Variants in COL19A1 observed in about 807,000 individuals in gnomAD.
COL19A1 encodes collagen alpha-1(XIX) chain.
In COL19A1, 159 loss-of-function variants were observed where a neutral mutation model predicts 190.2. The observed-to-expected ratio is 0.84, with a 90% CI of 0.73 to 0.95. The LOEUF (loss-of-function observed/expected upper bound fraction) is 0.95, where lower values mean the gene tolerates loss of function less well. Among genes scored for constraint, COL19A1 ranks in the 40% least tolerant of loss-of-function variants. The pLI is 0.00. For synonymous variants in COL19A1, 509 were observed against 458.9 expected, an observed-to-expected ratio of 1.11 and a Z score of -1.39; for missense variants, 1,418 against 1,431.9, an observed-to-expected ratio of 0.99 and a Z score of 0.16.
intron 15 of COL19A1, among the ~76,000 whole-genome samples, chr6:70,080,270 C>T (rs544551278): frequency 1.3e-5 from 2 of 152,148 alleles, no homozygotes; most frequent in South Asian, 2.1e-4. Context: ...TCATGAACAG[C>T]GAGCCCAACT....
chr6:69,975,843 G>A (rs900079311), intron 11 of COL19A1, among the ~76,000 whole-genome samples: 7 of 152,032 alleles, frequency 4.6e-5, no homozygotes, highest in Non-Finnish European at 1.0e-4. Flanking sequence ...AGAAATGAAG[G>A]TAGAATGAGC....
intron 16 of COL19A1, among the ~76,000 whole-genome samples, chr6:70,119,674 T>C (rs1164461055): frequency 2.6e-5 from 4 of 152,200 alleles, no homozygotes; most frequent in African/African-American, 9.7e-5. Context: ...AGTTAAACAT[T>C]TCCAACCCTC....
chr6:70,055,641 G>C (rs2150136384), intron 14 of COL19A1, among the ~76,000 whole-genome samples: 1 of 152,006 alleles, frequency 6.6e-6, no homozygotes, highest in African/African-American at 2.4e-5. Context: ...AATCAGCCAA[G>C]TGTGGTGGTG....
At chr6:69,904,176 C>G (rs372000646) in intron 4 of COL19A1, among the ~76,000 whole-genome samples, 1 of 152,212 alleles carries the variant, frequency 6.6e-6, no homozygotes, top group African/African-American at 2.4e-5. Flanking sequence ...CGTTCATCAT[C>G]TGGCCCCCAG....
rs757861705 is a variant in COL19A1, at chr6:70,149,845, T to C, written c.1930-6T>C. On this transcript the variant is annotated splice_polypyrimidine_tract_variant and splice_region_variant and intron_variant, in intron 28 of 50. Transcript: ENST00000620364. ...AGTAACTGTTTTTATTTCCCTCCTT[T>C]TCCAGGGTCCTCGAGGTCTCCCTGG... 6.2e-7 allele frequency: 1 copy of C among 1,613,682 alleles called. No individual in the cohort carries two copies. Among genetic ancestry groups the C allele is most frequent in the Non-Finnish European group, 8.5e-7 (1 of 1,179,770 alleles).
chr6:70,010,441 T>C lies in COL19A1; in HGVS notation c.1027-13186T>C, dbSNP rs1052924245. ...AGACGGTGATTTCTGCATTTCCATC[T>C]GAGGTACCGGGTTCATCTCACTAGG... On this transcript the variant is annotated intron_variant, in intron 11 of 50. Transcript: ENST00000620364. 3.4e-5 allele frequency among the ~76,000 whole-genome samples: 5 copies of C among 146,284 alleles called. 1 individual carries two copies. The highest frequency in any genetic ancestry group is 4.4e-4 in the East Asian group (2 of 4,532).
At chr6:69,943,439 G>T (rs1040756233) in intron 9 of COL19A1, among the ~76,000 whole-genome samples, 3 of 151,768 alleles carry the variant, frequency 2.0e-5, no homozygotes, top group African/African-American at 7.3e-5. Context: ...TTTTTGCTTT[G>T]GTTGCCTGTG....
intron 17 of COL19A1, among the ~76,000 whole-genome samples, chr6:70,124,167 A>T (rs1243375309): frequency 6.6e-6 from 1 of 152,152 alleles, no homozygotes; most frequent in African/African-American, 2.4e-5. Flanking sequence ...TGAAAAAAAG[A>T]ATGCTGAAGC....
chr6:69,889,714 T>C (rs1223522864), intron 2 of COL19A1, among the ~76,000 whole-genome samples: 1 of 151,946 alleles, frequency 6.6e-6, no homozygotes, highest in Non-Finnish European at 1.5e-5. Context: ...AACGCACCAA[T>C]CAGCGCTCTG....
intron 17 of COL19A1, among the ~76,000 whole-genome samples, chr6:70,128,137 T>C (rs186752987): frequency 1.1e-3 from 169 of 152,350 alleles, no homozygotes; most frequent in Middle Eastern, 0.01. Flanking sequence ...TTAAACTTGT[T>C]GACTATGAAT....
At position 69,919,566 on chromosome 6, in the gene COL19A1, A is replaced by G. The variant is rs975318080; in HGVS notation, c.267-8343A>G. Among the ~76,000 whole-genome samples the G allele has an allele frequency of 4.6e-5, 7 of 152,258 alleles. No individual in the cohort carries two copies. In the South Asian group the frequency reaches 8.3e-4, roughly 18 times the overall value. On this transcript the variant is annotated intron_variant, in intron 4 of 50. Coordinates refer to ENST00000620364, the MANE Select transcript of COL19A1 (RefSeq NM_001858.6). The stretch of plus-strand genomic sequence containing the variant: ...TAATGGTTTTAAGTAAATTTTGACC[A>G]GAAAAAAAATTTTCATTAATCAGAT...
Position 70,114,654 on chromosome 6 carries a change from A to C in COL19A1, c.1279-7226A>C, listed in dbSNP as rs1268569377. Among the ~76,000 whole-genome samples, 6 of 152,270 alleles carry C rather than the reference A, an allele frequency of 3.9e-5. No individual in the cohort carries two copies. The East Asian group carries it at 1.2e-3, about 29-fold the overall frequency. ...TAGGAACTGACATTTCCAAAGCAAA[A>C]GGGTTGATATTTTTTCTCTTTTATT... On this transcript the variant is annotated intron_variant, in intron 16 of 50. Transcript: ENST00000620364.
At chr6:70,123,224 C>T (rs1784984835) in intron 17 of COL19A1, among the ~76,000 whole-genome samples, 1 of 152,048 alleles carries the variant, frequency 6.6e-6, no homozygotes, top group Admixed American at 6.5e-5. Flanking sequence ...CCATCACTGG[C>T]CATCAGAGAA....
intron 19 of COL19A1, 59 bp downstream of exon 19, chr6:70,137,806 C>A: frequency 1.9e-6 from 3 of 1,556,112 alleles, no homozygotes; most frequent in Admixed American, 1.7e-5. Context: ...ATTAAAAATA[C>A]GTTTCCAAAT....
intron 17 of COL19A1, 113 bp downstream of exon 17, chr6:70,122,055 G>A (rs1784915898): frequency 1.6e-6 from 1 of 614,956 alleles, no homozygotes; most frequent in Admixed American, 3.1e-5. Context: ...ATGATCACAT[G>A]TATTTAAACA....
chr6:70,116,939 A>T (rs1784613549), intron 16 of COL19A1, among the ~76,000 whole-genome samples: 1 of 152,218 alleles, frequency 6.6e-6, no homozygotes, highest in African/African-American at 2.4e-5. Context: ...TGAATCCAGA[A>T]AAAAGCTTCC....
chr6:70,167,160 C>CT (rs1489102733), intron 37 of COL19A1, among the ~76,000 whole-genome samples: 2 of 152,178 alleles, frequency 1.3e-5, no homozygotes, highest in African/African-American at 4.8e-5. Context: ...CGTTTGTCTT[C>CT]CATCACTAGT....
intron 27 of COL19A1, among the ~76,000 whole-genome samples, chr6:70,148,217 G>A (rs536047387): frequency 1.3e-5 from 2 of 151,984 alleles, no homozygotes; most frequent in South Asian, 4.2e-4. Flanking sequence ...GGGCTGAAAG[G>A]CAAGCTTCTA....
At chr6:69,870,450 C>A (rs1214474101) in intron 1 of COL19A1, among the ~76,000 whole-genome samples, 1 of 152,188 alleles carries the variant, frequency 6.6e-6, no homozygotes, top group Non-Finnish European at 1.5e-5. Context: ...TTGAGCTACA[C>A]GTTGAAGGCA....
Sources: gnomAD v4.1 joint callset for allele counts (sites outside exome capture counted in the v4.1 genomes callset) on GRCh38, gnomAD v4.1.1 for gene constraint, MANE v1.5 for transcripts, NCBI Gene and HGNC (gene_info 2026-07-23, HGNC 2026-07-21) for gene names.